Variants in RBFOX1 observed in about 807,000 individuals in gnomAD.
RBFOX1 encodes RNA binding fox-1 homolog 1.
A neutral mutation model predicts 57.7 loss-of-function variants in RBFOX1; 8 were observed. The observed-to-expected ratio is 0.14, with a 90% CI of 0.08 to 0.25. RBFOX1 has a LOEUF of 0.25. Ranked by LOEUF, RBFOX1 falls within the 10% of genes least tolerant of loss-of-function variation. The probability of loss-of-function intolerance (pLI) is 1.00; values close to 1 mark genes in which losing one functional copy is unlikely to be tolerated. For synonymous variants in RBFOX1, 326 were observed against 222.4 expected (o/e 1.47, Z -4.15); for missense variants, 611 against 548.5 (o/e 1.11, Z -1.14).
chr16:7,006,816 C>T (rs1052501343), intron 3 of RBFOX1, among the ~76,000 whole-genome samples: 2 of 152,148 alleles, frequency 1.3e-5, no homozygotes, highest in Admixed American at 6.5e-5. Context: ...GTCACCTGCC[C>T]AAGAACCCTC....
At chr16:7,194,488 G>T (rs548766061) in intron 4 of RBFOX1, among the ~76,000 whole-genome samples, 20 of 152,220 alleles carry the variant, frequency 1.3e-4, no homozygotes, top group African/African-American at 4.6e-4. Context: ...GGAAAATCTA[G>T]CTCTTTGGGG....
intron 4 of RBFOX1, among the ~76,000 whole-genome samples, chr16:5,891,095 G>C (rs574854414): frequency 1.3e-5 from 2 of 152,196 alleles, no homozygotes; most frequent in African/African-American, 2.4e-5. Flanking sequence ...AACCGTAACT[G>C]TTAGTAGGCA....
At chr16:7,365,241 C>T (rs1361763230) in intron 4 of RBFOX1, among the ~76,000 whole-genome samples, 3 of 152,096 alleles carry the variant, frequency 2.0e-5, no homozygotes, top group African/African-American at 4.8e-5. Flanking sequence ...ACCAGAGAAA[C>T]AGATGATACA....
chr16:6,795,208 C>T (rs539862369), intron 3 of RBFOX1, among the ~76,000 whole-genome samples: 1 of 152,124 alleles, frequency 6.6e-6, no homozygotes, highest in Non-Finnish European at 1.5e-5. Context: ...TTTGTGACTT[C>T]TAGGTTACCC....
chr16:7,541,195 C>T (rs1048535815), intron 5 of RBFOX1, among the ~76,000 whole-genome samples: 1 of 152,208 alleles, frequency 6.6e-6, no homozygotes, highest in Admixed American at 6.5e-5. Context: ...AGGACAAGCA[C>T]AAAGAACTCT....
chr16:6,990,481 C>T (rs547461039), intron 3 of RBFOX1, among the ~76,000 whole-genome samples: 78 of 152,074 alleles, frequency 5.1e-4, no homozygotes, highest in African/African-American at 1.7e-3. Flanking sequence ...GTTGAGATCT[C>T]GCCACTGCAT....
chr16:7,680,738 C>T (rs1412570848), intron 14 of RBFOX1, among the ~76,000 whole-genome samples: 1 of 152,160 alleles, frequency 6.6e-6, no homozygotes, highest in Non-Finnish European at 1.5e-5. Context: ...TAAAGTTTCA[C>T]TGCTAATGTA....
intron 1 of RBFOX1, among the ~76,000 whole-genome samples, chr16:6,041,764 C>G (rs2095438968): frequency 6.6e-6 from 1 of 152,176 alleles, no homozygotes; most frequent in East Asian, 1.9e-4. Flanking sequence ...GGCGATGATG[C>G]TAAACATCTT....
intron 4 of RBFOX1, among the ~76,000 whole-genome samples, chr16:6,005,801 A>T (rs1308106336): frequency 6.6e-6 from 1 of 152,202 alleles, no homozygotes; most frequent in East Asian, 1.9e-4. Flanking sequence ...GGTGGATTTT[A>T]AAAAAAGGCT....
chr16:7,060,485 A>T (rs2053909350), intron 4 of RBFOX1, among the ~76,000 whole-genome samples: 1 of 152,208 alleles, frequency 6.6e-6, no homozygotes, highest in African/African-American at 2.4e-5. Context: ...TTTAAAAGTG[A>T]TTTCTTGCTT....
At chr16:6,230,021 G>A (rs1360817707) in intron 1 of RBFOX1, among the ~76,000 whole-genome samples, 3 of 151,746 alleles carry the variant, frequency 2.0e-5, no homozygotes, top group Non-Finnish European at 2.9e-5. Context: ...ACTTGACTAT[G>A]GATCTCCTTT....
intron 2 of RBFOX1, among the ~76,000 whole-genome samples, chr16:6,590,169 T>G (rs2097690502): frequency 6.6e-6 from 1 of 152,206 alleles, no homozygotes; most frequent in Non-Finnish European, 1.5e-5. Context: ...AACTTCTAAG[T>G]TCACATGGCA....
At chr16:6,062,957 A>T (rs1332793702) in intron 1 of RBFOX1, among the ~76,000 whole-genome samples, 2 of 152,192 alleles carry the variant, frequency 1.3e-5, no homozygotes, top group Non-Finnish European at 2.9e-5. Flanking sequence ...TTCCTTCTCC[A>T]GAAAACCCAT....
chr16:7,453,416 A>G (rs560356228), intron 4 of RBFOX1, among the ~76,000 whole-genome samples: 151 of 152,266 alleles, frequency 9.9e-4, no homozygotes, highest in African/African-American at 3.4e-3. Flanking sequence ...AGGAGCCTAC[A>G]TGGTCTTGCC....
chr16:6,197,502 G>A (rs2097187783), intron 1 of RBFOX1, among the ~76,000 whole-genome samples: 1 of 152,078 alleles, frequency 6.6e-6, no homozygotes, highest in African/African-American at 2.4e-5. Context: ...ACAATTAATG[G>A]TTAATTCCCA....
At position 7,606,109 on chromosome 16, in the gene RBFOX1, C is replaced by A. The variant is rs1052289729; in HGVS notation, c.623-1176C>A. Among the ~76,000 whole-genome samples the A allele has an allele frequency of 1.5e-4, 22 of 149,858 alleles. No homozygotes were observed. In the Admixed American group the frequency reaches 1.5e-3, roughly 10 times the overall value. ...TACAGGCATGAGCCACGGTGCCCGACCTGCATGGATTTTTTTTTTTTTTTT... is the reference window on the plus strand; with the variant it reads ...TACAGGCATGAGCCACGGTGCCCGAACTGCATGGATTTTTTTTTTTTTTTT... On this transcript the variant is annotated intron_variant, in intron 9 of 15. Transcript: ENST00000550418.
intron 3 of RBFOX1, among the ~76,000 whole-genome samples, chr16:6,780,410 T>TTA (rs1555461307): frequency 0.012 from 962 of 78,968 alleles, 117 homozygotes; most frequent in African/African-American, 0.051. Flanking sequence ...TTATATATAT[T>TTA]TATATATATT....
At chr16:6,982,579 G>C (rs1478072318) in intron 3 of RBFOX1, among the ~76,000 whole-genome samples, 1 of 152,178 alleles carries the variant, frequency 6.6e-6, no homozygotes, top group Non-Finnish European at 1.5e-5. Context: ...CCAAATCATA[G>C]TTACCATGAG....
intron 2 of RBFOX1, among the ~76,000 whole-genome samples, chr16:5,516,118 G>C (rs2043783443): frequency 6.6e-6 from 1 of 152,156 alleles, no homozygotes; most frequent in South Asian, 2.1e-4. Flanking sequence ...ATTAAGCTTG[G>C]TGGCCTTCTG....
Sources: gnomAD v4.1 joint callset for allele counts (sites outside exome capture counted in the v4.1 genomes callset) on GRCh38, gnomAD v4.1.1 for gene constraint, MANE v1.5 for transcripts, NCBI Gene and HGNC (gene_info 2026-07-23, HGNC 2026-07-21) for gene names.